Variants in TBC1D22A observed in about 807,000 individuals in gnomAD.
TBC1D22A encodes the protein putative GTPase activator.
TBC1D22A carries 38 observed loss-of-function variants against 60.2 expected under a neutral mutation model. The ratio of observed to expected loss-of-function variants is 0.63; its 90% confidence interval spans 0.49 to 0.83. The LOEUF is 0.83. Among genes scored for constraint, TBC1D22A ranks in the 40% least tolerant of loss-of-function variants. The pLI is 0.00. For missense variants in TBC1D22A, 628 were observed against 701.0 expected, an observed-to-expected ratio of 0.90 and a Z score of 1.18; for synonymous variants, 302 against 281.7, an observed-to-expected ratio of 1.07 and a Z score of -0.72.
At position 46,794,115 on chromosome 22, in the gene TBC1D22A, G is replaced by T. The variant is rs1194302696; in HGVS notation, c.460+274G>T. Among the ~76,000 whole-genome samples, 4 of 152,182 alleles carry T rather than the reference G, an allele frequency of 2.6e-5. No homozygotes were observed. The East Asian group carries it at 5.8e-4, about 22-fold the overall frequency. On this transcript the variant is annotated intron_variant, in intron 3 of 12. Transcript: ENST00000337137. ...GCCTAGCTACGTGCATGTCTTCTCC[G>T]AGTGGAGTGGAGGCACCAGGCTGTT...
intron 10 of TBC1D22A, among the ~76,000 whole-genome samples, chr22:47,021,250 TG>T (rs1261979468): frequency 6.8e-6 from 1 of 146,316 alleles, no homozygotes; most frequent in East Asian, 2.0e-4. Context: ...CCTGGAGCCC[TG>T]AGCAGGGAAC....
intron 7 of TBC1D22A, among the ~76,000 whole-genome samples, chr22:46,909,014 A>G (rs1187083781): frequency 1.3e-5 from 2 of 152,068 alleles, no homozygotes; most frequent in Non-Finnish European, 2.9e-5. Flanking sequence ...AGCCTGTTTC[A>G]TGGTCCACAG....
chr22:46,958,497 C>G (rs932206092), intron 8 of TBC1D22A, among the ~76,000 whole-genome samples: 1 of 152,196 alleles, frequency 6.6e-6, no homozygotes, highest in South Asian at 2.1e-4. Context: ...TCCGTCTCAC[C>G]GTTGGAGAGC....
chr22:47,044,305 C>A (rs2062959513), intron 11 of TBC1D22A, among the ~76,000 whole-genome samples: 1 of 152,228 alleles, frequency 6.6e-6, no homozygotes, highest in Admixed American at 6.5e-5. Flanking sequence ...ATCTGGGTGT[C>A]CTCAGCCCTG....
chr22:47,141,695 G>A (rs1442331430), intron 12 of TBC1D22A, among the ~76,000 whole-genome samples: 1 of 152,220 alleles, frequency 6.6e-6, no homozygotes, highest in Non-Finnish European at 1.5e-5. Flanking sequence ...ACGCCTGTTT[G>A]TGCCACACAC....
rs1474517807 is a variant in TBC1D22A at position 46,777,118 on chromosome 22, T to A, written c.62+14270T>A. ...TGGAGACGTGGGTGGGTGGTGTGCT[T>A]CAGGGAGGAGACGAGGCTGACCCTC... On this transcript the variant is annotated intron_variant, in intron 1 of 12. Coordinates refer to ENST00000337137, the MANE Select transcript of TBC1D22A (RefSeq NM_014346.5). This position sits in a 1 kb window ranked among gnomAD's most constrained non-coding sequence, Gnocchi z 4.5. Among the ~76,000 whole-genome samples, 2 of 152,002 alleles carry A rather than the reference T, an allele frequency of 1.3e-5. No homozygotes were observed. Among genetic ancestry groups the A allele is most frequent in the Non-Finnish European group, 2.9e-5 (2 of 67,998 alleles).
chr22:46,883,617 T>A (rs1184759546), intron 5 of TBC1D22A, among the ~76,000 whole-genome samples: 1 of 152,174 alleles, frequency 6.6e-6, no homozygotes, highest in Admixed American at 6.5e-5. Flanking sequence ...CTCTTGCAAG[T>A]TCACTATGGA....
chr22:46,800,577 G>C (rs1489747187), intron 4 of TBC1D22A, among the ~76,000 whole-genome samples: 1 of 152,206 alleles, frequency 6.6e-6, no homozygotes, highest in East Asian at 1.9e-4. Flanking sequence ...ACGTGACCTT[G>C]AGCCAGCTTG....
At chr22:46,986,774 A>T (rs2074740281) in intron 9 of TBC1D22A, among the ~76,000 whole-genome samples, 1 of 152,200 alleles carries the variant, frequency 6.6e-6, no homozygotes, top group Admixed American at 6.5e-5. Context: ...GCTGTAGCAT[A>T]ACAAATGACT....
At chr22:46,819,164 TC>T in intron 4 of TBC1D22A, among the ~76,000 whole-genome samples, 1 of 152,328 alleles carries the variant, frequency 6.6e-6, no homozygotes, top group East Asian at 1.9e-4. Context: ...AAATATAAAA[TC>T]ATGTCATCTG....
chr22:47,150,446 T>C (rs1379848406), intron 12 of TBC1D22A, among the ~76,000 whole-genome samples: 1 of 152,116 alleles, frequency 6.6e-6, no homozygotes, highest in African/African-American at 2.4e-5. Context: ...CCATCTCTGC[T>C]CCAGGAGTGT....
intron 9 of TBC1D22A, among the ~76,000 whole-genome samples, chr22:46,982,886 C>T (rs975846339): frequency 1.3e-5 from 2 of 152,026 alleles, no homozygotes; most frequent in Non-Finnish European, 2.9e-5. Flanking sequence ...GGGGCGCCCT[C>T]CTGCCTCATT....
intron 4 of TBC1D22A, among the ~76,000 whole-genome samples, chr22:46,877,451 T>G (rs2067619559): frequency 6.6e-6 from 1 of 152,200 alleles, no homozygotes; most frequent in South Asian, 2.1e-4. Context: ...GGAGAGACAC[T>G]GGGAACATGG....
intron 10 of TBC1D22A, among the ~76,000 whole-genome samples, chr22:47,002,521 A>G (rs2061437795): frequency 6.6e-6 from 1 of 152,158 alleles, no homozygotes; most frequent in African/African-American, 2.4e-5. Context: ...ACCATAGAGA[A>G]CTTTTTTCAG....
chr22:47,126,967 C>T (rs949619827), intron 12 of TBC1D22A, among the ~76,000 whole-genome samples: 3 of 152,158 alleles, frequency 2.0e-5, no homozygotes, highest in East Asian at 1.9e-4. Flanking sequence ...TCAGAGCTAC[C>T]GATTTTTCAC....
intron 1 of TBC1D22A, chr22:46,773,826 G>T: frequency 1.6e-6 from 1 of 608,962 alleles, no homozygotes; most frequent in Middle Eastern, 8.3e-4. Context: ...GCTGGGGGTG[G>T]TACCGTGTGG....
chr22:47,160,520 C>T (rs1276494701), intron 12 of TBC1D22A, among the ~76,000 whole-genome samples: 1 of 152,214 alleles, frequency 6.6e-6, no homozygotes, highest in African/African-American at 2.4e-5. Flanking sequence ...CACGTGGACA[C>T]CTGGGCTCCG....
chr22:46,840,713 G>A (rs1379602955), intron 4 of TBC1D22A, among the ~76,000 whole-genome samples: 1 of 151,390 alleles, frequency 6.6e-6, no homozygotes, highest in Non-Finnish European at 1.5e-5. Context: ...AGCCTGGGTG[G>A]CAGAGCGAGA....
chr22:46,855,787 C>A (rs949891251), intron 4 of TBC1D22A, among the ~76,000 whole-genome samples: 1 of 152,152 alleles, frequency 6.6e-6, no homozygotes, highest in African/African-American at 2.4e-5. Context: ...TCGTTGCCAT[C>A]CGAGCCTTTC....
Sources: allele counts gnomAD v4.1 joint callset (sites outside exome capture counted in the v4.1 genomes callset), GRCh38; gene constraint gnomAD v4.1.1; non-coding constraint Gnocchi (gnomAD v3.1); transcripts MANE v1.5; gene names NCBI Gene and HGNC (gene_info 2026-07-23, HGNC 2026-07-21).